The following SMAD2 variants were observed in gnomAD, a reference collection of about 807,000 sequenced individuals.
SMAD2 encodes SMAD family member 2.
In SMAD2, 8 loss-of-function variants were observed where a neutral mutation model predicts 64.4. That is an observed-to-expected ratio of 0.12 (90% CI 0.07 to 0.22). The LOEUF is 0.22. Among genes scored for constraint, SMAD2 ranks in the 10% least tolerant of loss-of-function variants. The pLI is 1.00. For missense variants in SMAD2, 289 were observed against 561.2 expected (o/e 0.51, Z 4.90); for synonymous variants, 203 against 195.8 (o/e 1.04, Z -0.31).
intron 1 of SMAD2, among the ~76,000 whole-genome samples, chr18:47,927,742 A>G (rs1598911378): frequency 1.3e-5 from 2 of 152,110 alleles, no homozygotes; most frequent in Admixed American, 6.5e-5. Flanking sequence ...TCTACTAAAA[A>G]TACAAAATCA....
At chr18:47,919,883 T>C (rs560888298) in intron 1 of SMAD2, among the ~76,000 whole-genome samples, 89 of 152,338 alleles carry the variant, frequency 5.8e-4, no homozygotes, top group African/African-American at 1.9e-3. Context: ...TGTTAGTACA[T>C]GTTTATATAT....
Position 47,857,157 on chromosome 18 carries a change from T to C in SMAD2, c.731-5830A>G, listed in dbSNP as rs1347180423. On this transcript the variant is annotated intron_variant, in intron 6 of 10. Transcript: ENST00000262160. The stretch of plus-strand genomic sequence containing the variant: ...ATTTTTTATAATGAACATCCATTTG[T>C]TGTATAATTTGAAATGCTGTATCAT... Among the ~76,000 whole-genome samples, 5 of 152,210 alleles carry C rather than the reference T, an allele frequency of 3.3e-5. No individual in the cohort carries two copies. The East Asian group carries it at 9.6e-4, about 29-fold the overall frequency.
At position 47,820,762 on chromosome 18, in the gene SMAD2, G is replaced by A. The variant is rs1398001156; in HGVS notation, c.*21065C>T. ...TTGTGTGTAATGAAGTTGGCAATAG[G>A]TCAGAATGAAATCATAAGACATTGA... On this transcript the variant is annotated 3_prime_UTR_variant, in exon 11 of 11. Transcript: ENST00000262160. 1 of 152,004 alleles carries A rather than the reference G, an allele frequency of 6.6e-6. No homozygotes were observed. The highest frequency in any genetic ancestry group is 6.6e-5 in the Admixed American group (1 of 15,248). The allele number at this position is 152,004 out of a possible 1,614,324, so 9.4% of individuals were successfully genotyped here. A position where few individuals can be genotyped will look rare whatever the true frequency, so the allele number is the denominator to read the frequency against.
chr18:47,842,804 G>C (rs902924796), intron 10 of SMAD2, among the ~76,000 whole-genome samples: 1 of 152,012 alleles, frequency 6.6e-6, no homozygotes, highest in Non-Finnish European at 1.5e-5. Context: ...AACACCATTC[G>C]GGCTTTTAAT....
intron 8 of SMAD2, 31 bp from the exon 9 acceptor site, chr18:47,845,831 G>C (rs759998996): frequency 6.2e-7 from 1 of 1,602,220 alleles, no homozygotes; most frequent in African/African-American, 1.3e-5. Flanking sequence ...GATTAGTTTT[G>C]TAACATTTAC....
Position 47,841,716 on chromosome 18 carries a change from G to T in SMAD2, c.*111C>A. 1 of 1,286,332 alleles carries T rather than the reference G, an allele frequency of 7.8e-7. No individual in the cohort carries two copies. The highest frequency in any genetic ancestry group is 1.1e-6 in the Non-Finnish European group (1 of 893,672). 79.7% of individuals were successfully genotyped at this position (1,286,332 alleles called of 1,614,324 possible). ...TTTAATTGATGAGACCTCAAGTGCT[G>T]TTTTCTCTCTTGAACTTTTGGATAG... On this transcript the variant is annotated 3_prime_UTR_variant, in exon 11 of 11. Transcript: ENST00000262160.
chr18:47,825,615 G>A lies in SMAD2; in HGVS notation c.*16212C>T, dbSNP rs1423863453. ...TAAGTGACCCTGCCTCAGCTATCCT[G>A]TTATAGTAACACAAAACAGACTAAG... On this transcript the variant is annotated 3_prime_UTR_variant, in exon 11 of 11. Coordinates refer to ENST00000262160, the MANE Select transcript of SMAD2 (RefSeq NM_005901.6). 6.6e-6 allele frequency: 1 copy of A among 152,248 alleles called. No individual in the cohort carries two copies. The highest frequency in any genetic ancestry group is 2.4e-5 in the African/African-American group (1 of 41,440). 9.4% of individuals were successfully genotyped at this position (152,248 alleles called of 1,614,324 possible).
intron 2 of SMAD2, among the ~76,000 whole-genome samples, chr18:47,884,749 G>A (rs1276099587): frequency 6.6e-6 from 1 of 152,088 alleles, no homozygotes; most frequent in Non-Finnish European, 1.5e-5. Flanking sequence ...ACTCCTGTAA[G>A]TCACACAGTC....
chr18:47,843,201 C>A (rs1914141996), intron 10 of SMAD2, among the ~76,000 whole-genome samples: 1 of 152,188 alleles, frequency 6.6e-6, no homozygotes, highest in Non-Finnish European at 1.5e-5. Flanking sequence ...AAAGAAGCAT[C>A]CCCAGGAGCA....
rs1913129491 is a variant in SMAD2 at position 47,833,637 on chromosome 18, G to C, written c.*8190C>G. 4.3e-6 allele frequency: 1 copy of C among 230,890 alleles called. No individual in the cohort carries two copies. Among genetic ancestry groups the C allele is most frequent in the Non-Finnish European group, 8.6e-6 (1 of 116,574 alleles). 14.3% of individuals were successfully genotyped at this position (230,890 alleles called of 1,614,324 possible). On this transcript the variant is annotated 3_prime_UTR_variant, in exon 11 of 11. Coordinates refer to ENST00000262160, the MANE Select transcript of SMAD2 (RefSeq NM_005901.6). ...GTTCTAGCTGGTAAGCACCTTATGAGTATGAGGCTACAATTGAGAGAAACT... is the reference window on the plus strand; with the variant it reads ...GTTCTAGCTGGTAAGCACCTTATGACTATGAGGCTACAATTGAGAGAAACT...
In SMAD2 at chr18:47,831,106, G is replaced by A. The variant is rs758698314; in HGVS notation, c.*10721C>T. 7 of 152,246 alleles carry A rather than the reference G, an allele frequency of 4.6e-5. No homozygotes were observed. The highest frequency in any genetic ancestry group is 1.7e-4 in the African/African-American group (7 of 41,452). 9.4% of individuals were successfully genotyped at this position (152,246 alleles called of 1,614,324 possible). ...AAGCACAATCTCACTGCAAACTATG[G>A]AACCCAAACTATACAGCTATCCTTG... On this transcript the variant is annotated 3_prime_UTR_variant, in exon 11 of 11. Transcript: ENST00000262160.
chr18:47,912,928 CT>C (rs549054968), intron 1 of SMAD2, among the ~76,000 whole-genome samples: 27 of 137,102 alleles, frequency 2.0e-4, no homozygotes, highest in Non-Finnish European at 1.6e-4. Context: ...TTCTGTAACA[CT>C]TTTTTTTTTT....
intron 7 of SMAD2, among the ~76,000 whole-genome samples, chr18:47,850,239 TTATATATTA>T (rs1343179438): frequency 4.8e-5 from 3 of 62,582 alleles, no homozygotes; most frequent in Non-Finnish European, 8.3e-5. Context: ...ATATTATATA[TTATATATTA>T]TATATATTAT....
chr18:47,885,190 C>T (rs1223125879), intron 2 of SMAD2, among the ~76,000 whole-genome samples: 1 of 150,288 alleles, frequency 6.7e-6, no homozygotes, highest in Middle Eastern at 3.4e-3. Flanking sequence ...CACATATACC[C>T]TCCCCCCCCA....
Position 47,896,727 on chromosome 18 carries a change from T to C in SMAD2, c.30A>G (p.Pro10=), listed in dbSNP as rs746254264. MSSILPFTP[P]VVKRLLGWKK... The stretch of plus-strand genomic sequence containing the variant: ...TCCATCCCAGCAGTCTCTTCACAAC[T>C]GGCGGCGTGAATGGCAAGATGGACG... Residue 10 remains proline (P), a synonymous_variant, in exon 2 of 11, where the codon CCA becomes CCG. Transcript: ENST00000262160. The C allele has an allele frequency of 1.2e-6, 2 of 1,614,006 alleles. No individual in the cohort carries two copies. Among genetic ancestry groups the C allele is most frequent in the African/African-American group, 1.3e-5 (1 of 75,026 alleles).
chr18:47,894,877 T>C (rs1207942509), intron 2 of SMAD2, among the ~76,000 whole-genome samples: 1 of 152,160 alleles, frequency 6.6e-6, no homozygotes, highest in African/African-American at 2.4e-5. Flanking sequence ...AAGAATGAAA[T>C]ATAGCTTGAC....
chr18:47,926,814 A>G (rs1224682678), intron 1 of SMAD2, among the ~76,000 whole-genome samples: 1 of 152,194 alleles, frequency 6.6e-6, no homozygotes, highest in East Asian at 1.9e-4. Context: ...CCACAACTAC[A>G]AGAGAGGAAG....
intron 6 of SMAD2, among the ~76,000 whole-genome samples, chr18:47,855,917 A>C (rs2030635167): frequency 6.6e-6 from 1 of 152,066 alleles, no homozygotes; most frequent in Non-Finnish European, 1.5e-5. Flanking sequence ...CGTTGCTTTT[A>C]CTCTTGCTGC....
rs913588161 is a variant in SMAD2, at chr18:47,870,401, C to T, written c.326+74G>A. The T allele has an allele frequency of 2.8e-6, 3 of 1,058,672 alleles. No homozygotes were observed. The East Asian group carries it at 7.1e-5, about 25-fold the overall frequency. 65.6% of individuals were successfully genotyped at this position (1,058,672 alleles called of 1,614,324 possible). On this transcript the variant is annotated intron_variant, in intron 3 of 10. Transcript: ENST00000262160. ...TCCTAGGCAAAATTATACTAAGCAA[C>T]CCCATATAGGTCTTTCAAAATATAC...
Sources: gnomAD v4.1 joint callset for allele counts (sites outside exome capture counted in the v4.1 genomes callset) on GRCh38, gnomAD v4.1.1 for gene constraint, MANE v1.5 for transcripts, NCBI Gene and HGNC (gene_info 2026-07-23, HGNC 2026-07-21) for gene names.